Variants in DNAJC12 observed in about 807,000 individuals in gnomAD.
The protein encoded by DNAJC12 is dnaJ homolog subfamily C member 12.
Under a neutral mutation model 28.5 loss-of-function variants are expected in DNAJC12, and 25 were observed. The ratio of observed to expected loss-of-function variants is 0.88; its 90% CI spans 0.64 to 1.22. The LOEUF (loss-of-function observed/expected upper bound fraction) is 1.22. DNAJC12 is among the 50% of genes most tolerant of loss of function. The pLI, the probability that DNAJC12 is intolerant of heterozygous loss-of-function variation, is 0.00. For missense variants in DNAJC12, 222 were observed against 231.7 expected (o/e 0.96, Z 0.27); for synonymous variants, 77 against 80.6 (o/e 0.95, Z 0.24).
chr10:67,808,179 C>A (rs760875717), intron 3 of DNAJC12, among the ~76,000 whole-genome samples: 1 of 152,204 alleles, frequency 6.6e-6, no homozygotes, highest in Non-Finnish European at 1.5e-5. Context: ...TGCAGCTACT[C>A]ATTTCAGTAG....
intron 1 of DNAJC12, among the ~76,000 whole-genome samples, chr10:67,824,065 G>A (rs1417231765): frequency 5.9e-5 from 9 of 151,718 alleles, no homozygotes; most frequent in African/African-American, 1.9e-4. Flanking sequence ...GTGAAACCCC[G>A]TCTCTACTAA....
Position 67,805,615 on chromosome 10 carries a change from T to A in DNAJC12, c.470A>T (p.Lys157Met), listed in dbSNP as rs1349202113. ...ATCTGAATTTTGCGGGGAGACTGAC[T>A]TCTCTAGGGGCTTGGGTTCTTTCTG... ...TEQKEPKPLE[K>M]SVSPQNSDSS... The change falls in exon 4 of 5, where the codon AAG becomes ATG. Residue 157 changes from lysine to methionine, a missense_variant. Transcript: ENST00000225171. The A allele has an allele frequency of 1.2e-6, 2 of 1,610,666 alleles. No homozygotes were observed. Among genetic ancestry groups the A allele is most frequent in the Non-Finnish European group, 8.5e-7 (1 of 1,179,054 alleles).
chr10:67,804,522 A>G (rs1412389128), intron 4 of DNAJC12, among the ~76,000 whole-genome samples: 1 of 152,222 alleles, frequency 6.6e-6, no homozygotes, highest in Non-Finnish European at 1.5e-5. Flanking sequence ...CAATGCACCT[A>G]GATGAGCAAG....
chr10:67,833,537 T>G (rs1400471092), intron 1 of DNAJC12, among the ~76,000 whole-genome samples: 1 of 152,140 alleles, frequency 6.6e-6, no homozygotes, highest in Non-Finnish European at 1.5e-5. Context: ...CACACCCTAC[T>G]TGCCTCATTC....
At chr10:67,837,902 T>C (rs768486655) in intron 1 of DNAJC12, 32 bp downstream of exon 1, 1 of 1,457,292 alleles carries the variant, frequency 6.9e-7, no homozygotes, top group East Asian at 2.4e-5. Context: ...AAAAGAATAC[T>C]GTTGTGATAA....
chr10:67,827,250 G>A (rs2131811837), intron 1 of DNAJC12, among the ~76,000 whole-genome samples: 1 of 152,030 alleles, frequency 6.6e-6, no homozygotes, highest in African/African-American at 2.4e-5. Context: ...AGGTGGGCAT[G>A]ATGGCACGAG....
At chr10:67,820,710 A>G (rs969643367) in intron 2 of DNAJC12, among the ~76,000 whole-genome samples, 1 of 152,132 alleles carries the variant, frequency 6.6e-6, no homozygotes, top group Non-Finnish European at 1.5e-5. Flanking sequence ...CAAAGGAATC[A>G]ATGATTTCTA....
chr10:67,836,572 G>A (rs1842144409), intron 1 of DNAJC12, among the ~76,000 whole-genome samples: 1 of 152,056 alleles, frequency 6.6e-6, no homozygotes, highest in Non-Finnish European at 1.5e-5. Flanking sequence ...GGTAAAAATG[G>A]TAATAAGCTT....
intron 1 of DNAJC12, among the ~76,000 whole-genome samples, chr10:67,826,766 CT>C (rs1842037471): frequency 1.3e-5 from 1 of 75,156 alleles, no homozygotes; most frequent in South Asian, 3.8e-4. Context: ...TATCTGATAT[CT>C]AATGATATAT....
chr10:67,801,113 T>C (rs1841739849), intron 4 of DNAJC12, among the ~76,000 whole-genome samples: 1 of 152,228 alleles, frequency 6.6e-6, no homozygotes, highest in Non-Finnish European at 1.5e-5. Flanking sequence ...CATATTTTAC[T>C]TTTTGCAATA....
chr10:67,808,435 G>A lies in DNAJC12; in HGVS notation c.298-2648C>T, dbSNP rs572450993. The stretch of plus-strand genomic sequence containing the variant: ...AACTTGTTTACTAGCTTTCTTGAAC[G>A]AGTTGGTTTTTTTTCTCTAGGAAGT... On this transcript the variant is annotated intron_variant, in intron 3 of 4. Transcript: ENST00000225171. 6 of 152,200 alleles carry A rather than the reference G, an allele frequency of 3.9e-5. No homozygotes were observed. The South Asian group carries it at 6.2e-4, about 16-fold the overall frequency. The allele number at this position is 152,200 out of a possible 1,614,324, so 9.4% of individuals were successfully genotyped here. A position where few individuals can be genotyped will look rare whatever the true frequency, so the allele number is the denominator to read the frequency against.
chr10:67,827,504 A>G (rs1173233167), intron 1 of DNAJC12: 4 of 152,224 alleles, frequency 2.6e-5, no homozygotes, highest in Non-Finnish European at 5.9e-5. Context: ...CCTGATCAAC[A>G]TGGTGAAACT....
intron 2 of DNAJC12, among the ~76,000 whole-genome samples, chr10:67,819,779 GGGAA>G (rs144881348): frequency 0.044 from 594 of 13,398 alleles, 58 homozygotes; most frequent in African/African-American, 0.11. Flanking sequence ...AGGAAGGAAG[GGGAA>G]GGAAGGAAGG....
intron 4 of DNAJC12, among the ~76,000 whole-genome samples, chr10:67,802,615 A>T (rs1342695563): frequency 6.6e-6 from 1 of 152,168 alleles, no homozygotes. Context: ...ATATTTTCCC[A>T]AGTAAAATGT....
chr10:67,823,287 G>C, intron 2 of DNAJC12, 27 bp downstream of exon 2: 1 of 1,600,392 alleles, frequency 6.2e-7, no homozygotes, highest in Non-Finnish European at 8.6e-7. Context: ...TCATTTTCTT[G>C]AGAAGTAGCC....
chr10:67,815,508 C>CAAAAAAA (rs762037586), intron 2 of DNAJC12, among the ~76,000 whole-genome samples: 12 of 65,710 alleles, frequency 1.8e-4, no homozygotes, highest in African/African-American at 4.3e-4. Flanking sequence ...TACTTCGTCT[C>CAAAAAAA]AAAAAAAAAA....
chr10:67,827,686 C>A (rs1842050957), intron 1 of DNAJC12: 2 of 142,324 alleles, frequency 1.4e-5, no homozygotes. Flanking sequence ...AACTCCATCT[C>A]AAAAAAAAAA....
intron 4 of DNAJC12, among the ~76,000 whole-genome samples, chr10:67,797,842 C>A (rs1481347939): frequency 6.6e-6 from 1 of 151,884 alleles, no homozygotes; most frequent in African/African-American, 2.4e-5. Flanking sequence ...AGATCAAGAC[C>A]ATCCTGGCTA....
intron 1 of DNAJC12, among the ~76,000 whole-genome samples, chr10:67,828,216 G>A (rs1017413477): frequency 6.6e-6 from 1 of 152,134 alleles, no homozygotes; most frequent in Non-Finnish European, 1.5e-5. Flanking sequence ...CTCTGCTGGC[G>A]AGGATGTAAA....
Sources: gnomAD v4.1 joint callset for allele counts (sites outside exome capture counted in the v4.1 genomes callset) on GRCh38, gnomAD v4.1.1 for gene constraint, MANE v1.5 for transcripts, NCBI Gene and HGNC (gene_info 2026-07-23, HGNC 2026-07-21) for gene names.